Variants in PYGM observed in about 807,000 individuals in gnomAD.
PYGM encodes the protein glycogen phosphorylase, muscle form.
PYGM carries 81 observed loss-of-function variants against 99.3 expected under a neutral mutation model. That is an observed-to-expected ratio of 0.82 (90% CI 0.68 to 0.98). PYGM has a LOEUF of 0.98. Ranked by LOEUF, PYGM falls within the 50% of genes least tolerant of loss-of-function variation. The pLI is 0.00. For synonymous variants in PYGM, 436 were observed against 451.5 expected (o/e 0.97, Z 0.44); for missense variants, 1,030 against 1,158.1 (o/e 0.89, Z 1.61).
rs770035033 is a variant in PYGM, at chr11:64,755,576, G to A, written c.661-18C>T. ...AGTACCACCTGCGGGGGGCAATCCT[G>A]TCAGGAGCTGGCCAGCCCTGGCAAT... On this transcript the variant is annotated intron_variant, in intron 5 of 19. Coordinates refer to ENST00000164139, the MANE Select transcript of PYGM (RefSeq NM_005609.4). This position sits in a 1 kb window ranked among gnomAD's most constrained non-coding sequence, Gnocchi z 4.1. The A allele has an allele frequency of 6.2e-7, 1 of 1,604,092 alleles. No individual in the cohort carries two copies. The highest frequency in any genetic ancestry group is 8.5e-7 in the Non-Finnish European group (1 of 1,171,380).
intron 15 of PYGM, 26 bp downstream of exon 15, chr11:64,751,571 C>G: frequency 6.2e-7 from 1 of 1,614,008 alleles, no homozygotes; most frequent in Non-Finnish European, 8.5e-7. Context: ...AGGACGGGAG[C>G]CCAGGGCTGG....
In PYGM at chr11:64,746,801, CTT is replaced by C. The variant is rs750080547; in HGVS notation, c.2385_2386del (p.Glu797ValfsTer18). 3.1e-6 allele frequency: 5 copies of C among 1,614,184 alleles called. No individual in the cohort carries two copies. Among genetic ancestry groups the C allele is most frequent in the African/African-American group, 1.3e-5 (1 of 75,048 alleles). ...CCGGATCACCATCCGCGTCCACTCT[CTT>C]GGGTTCTGCAGGTCAAAGGGAAGCT... On this transcript the variant is annotated frameshift_variant, in exon 20 of 20. Transcript: ENST00000164139. LOFTEE classifies it high-confidence loss of function.
Position 64,759,966 on chromosome 11 carries a change from C to A in PYGM, c.-68G>T. 1 of 1,595,024 alleles carries A rather than the reference C, an allele frequency of 6.3e-7. No individual in the cohort carries two copies. Among genetic ancestry groups the A allele is most frequent in the Non-Finnish European group, 8.6e-7 (1 of 1,169,502 alleles). Reference sequence around the variant, plus strand: ...ACGGCGGCCTCAGCACTGCCTCCAGCCAAGGAGTGGAGCTCCCCAGCCTCA... The same window carrying A: ...ACGGCGGCCTCAGCACTGCCTCCAGACAAGGAGTGGAGCTCCCCAGCCTCA... On this transcript the variant is annotated 5_prime_UTR_variant, in exon 1 of 20. Transcript: ENST00000164139.
Position 64,753,837 on chromosome 11 carries a change from C to T in PYGM, c.1239+42G>A, listed in dbSNP as rs748888336. The T allele has an allele frequency of 9.1e-6, 14 of 1,538,376 alleles. No individual in the cohort carries two copies. The South Asian group carries it at 1.2e-4, about 13-fold the overall frequency. On this transcript the variant is annotated intron_variant, in intron 10 of 19. Coordinates refer to ENST00000164139, the MANE Select transcript of PYGM (RefSeq NM_005609.4). ...CGACTCCCAGGCCCAGACTGGGTGTCCCCCCTCACCCCCACACCATCCCCC... is the reference window on the plus strand; with the variant it reads ...CGACTCCCAGGCCCAGACTGGGTGTTCCCCCTCACCCCCACACCATCCCCC...
chr11:64,753,701 G>C lies in PYGM; in HGVS notation c.1240-19C>G. 1 of 1,602,060 alleles carries C rather than the reference G, an allele frequency of 6.2e-7. No individual in the cohort carries two copies. Among genetic ancestry groups the C allele is most frequent in the Non-Finnish European group, 8.5e-7 (1 of 1,176,802 alleles). On this transcript the variant is annotated intron_variant, in intron 10 of 19. Transcript: ENST00000164139. ...CCACCCGCTGTGCCCAGAGAGCCCA[G>C]AGCTAGAACCAGACCCAGGAACCCC... is the stretch of plus-strand genomic sequence containing the variant.
chr11:64,747,562 CTG>C (rs2135824696), intron 17 of PYGM: 1 of 633,820 alleles, frequency 1.6e-6, no homozygotes, highest in African/African-American at 1.8e-5. Context: ...AATGAAGAAA[CTG>C]AGGCCCGGAG....
chr11:64,751,266 C>CCT, intron 16 of PYGM, 59 bp downstream of exon 16: 2 of 1,604,488 alleles, frequency 1.2e-6, no homozygotes, highest in Non-Finnish European at 1.7e-6. Context: ...ACGACTGATA[C>CCT]CTCTTCCTGA....
intron 13 of PYGM, 53 bp downstream of exon 13, chr11:64,752,350 C>G: frequency 1.3e-6 from 2 of 1,582,772 alleles, no homozygotes; most frequent in Non-Finnish European, 1.7e-6. Flanking sequence ...GACATCTGGC[C>G]CCTCCAGCGC....
rs1372796418 is a variant in PYGM, at chr11:64,752,604, C to A, written c.1519-100G>T. ...GGTCAGCCAAGCCCCCTTCACCCAG[C>A]AGGCTGCTCTGGGGGCCCTCCCAGC... On this transcript the variant is annotated intron_variant, in intron 12 of 19. Coordinates refer to ENST00000164139, the MANE Select transcript of PYGM (RefSeq NM_005609.4). 16 of 1,261,388 alleles carry A rather than the reference C, an allele frequency of 1.3e-5. No homozygotes were observed. In the East Asian group the frequency reaches 1.5e-4, roughly 12 times the overall value. 78.1% of individuals were successfully genotyped at this position (1,261,388 alleles called of 1,614,324 possible).
intron 1 of PYGM, 99 bp from the exon 2 acceptor site, chr11:64,758,803 C>A: frequency 1.9e-6 from 2 of 1,044,842 alleles, no homozygotes; most frequent in South Asian, 1.3e-5. Flanking sequence ...GCCTGCCCTG[C>A]TCAGCAGTCC....
chr11:64,758,129 C>G, intron 4 of PYGM, 117 bp downstream of exon 4: 1 of 1,397,482 alleles, frequency 7.2e-7, no homozygotes, highest in South Asian at 1.2e-5. Context: ...TGGGGAGCAG[C>G]AAGGATGCTT....
chr11:64,756,457 T>C (rs963456857), intron 5 of PYGM, among the ~76,000 whole-genome samples: 1 of 152,144 alleles, frequency 6.6e-6, no homozygotes, highest in African/African-American at 2.4e-5. Flanking sequence ...TGTTTTTTGT[T>C]TGTTTGTTTT....
At chr11:64,751,041 G>A in intron 16 of PYGM, 1 of 422,706 alleles carries the variant, frequency 2.4e-6, no homozygotes, top group Non-Finnish European at 4.4e-6. Flanking sequence ...ATAGGCACCT[G>A]CCATCACGCC....
At chr11:64,758,548 A>G in intron 2 of PYGM, 33 bp from the exon 3 acceptor site, 1 of 1,613,816 alleles carries the variant, frequency 6.2e-7, no homozygotes, top group Non-Finnish European at 8.5e-7. Context: ...GGTCAGGGTC[A>G]AGTGTCAGCA....
chr11:64,751,344 T>G lies in PYGM; in HGVS notation c.1950A>C (p.Arg650=). ...ACCCACCTTTCTCGGCCAGTGAGAC[T>G]CGGTAGTTCTCCAGGAAGATGACAC... ...RLRVIFLENY[R]VSLAEKVIPA... Residue 650 remains arginine, a synonymous_variant, in exon 16 of 20, where the codon CGA becomes CGC. Transcript: ENST00000164139. 1 of 1,614,118 alleles carries G rather than the reference T, an allele frequency of 6.2e-7. No homozygotes were observed. Among genetic ancestry groups the G allele is most frequent in the Non-Finnish European group, 8.5e-7 (1 of 1,180,038 alleles).
rs746568228 is a variant in PYGM at position 64,752,426 on chromosome 11, G to A, written c.1597C>T (p.Arg533Trp). 5 of 1,614,178 alleles carry A rather than the reference G, an allele frequency of 3.1e-6. No homozygotes were observed. Among genetic ancestry groups the A allele is most frequent in the South Asian group, 1.1e-5 (1 of 91,090 alleles). The change falls in exon 13 of 20, where the codon CGG becomes TGG. Residue 533 changes from arginine (R) to tryptophan (W), a missense_variant. Coordinates refer to ENST00000164139, the MANE Select transcript of PYGM (RefSeq NM_005609.4). ...ACCTGCTTCACTTTGGCCACATCCC[G>A]AATGAAAGCTTCATCATCCACAAAG... ...LSFVDDEAFI[R>W]DVAKVKQENK...
In PYGM at chr11:64,751,325, C is replaced by A. The variant is rs1174374786; in HGVS notation, c.1969G>T (p.Val657Leu). ...ENYRVSLAEK[V>L]IPAADLSEQI... is the part of the protein sequence containing the mutation. ...TAGGGTCCCTGTTGGCAGCACCCAC[C>A]TTTCTCGGCCAGTGAGACTCGGTAG... Residue 657 changes from valine (V) to leucine (L), a missense_variant and splice_region_variant, in exon 16 of 20, where the codon GTG (valine) becomes TTG (leucine). Physicochemically the swap from Val to Leu is conservative, Grantham distance 32. Coordinates refer to ENST00000164139, the MANE Select transcript of PYGM (RefSeq NM_005609.4). 2 of 1,614,050 alleles carry A rather than the reference C, an allele frequency of 1.2e-6. No homozygotes were observed. The highest frequency in any genetic ancestry group is 1.3e-5 in the African/African-American group (1 of 74,934).
Position 64,752,440 on chromosome 11 carries a change from T to C in PYGM, c.1583A>G (p.Asp528Gly), listed in dbSNP as rs1294601732. 3.7e-6 allele frequency: 6 copies of C among 1,614,232 alleles called. No individual in the cohort carries two copies. Among genetic ancestry groups the C allele is most frequent in the Non-Finnish European group, 5.1e-6 (6 of 1,180,030 alleles). The change falls in exon 13 of 20, where the codon GAT becomes GGT. Residue 528 changes from aspartate (D) to glycine (G), a missense_variant. Coordinates refer to ENST00000164139, the MANE Select transcript of PYGM (RefSeq NM_005609.4). Reference protein sequence around the residue: ...QLRKLLSFVDDEAFIRDVAKV... With the variant: ...QLRKLLSFVDGEAFIRDVAKV... Reference sequence around the variant, plus strand: ...GGCCACATCCCGAATGAAAGCTTCATCATCCACAAAGGAGAGCAGTTTGCG... The same window carrying C: ...GGCCACATCCCGAATGAAAGCTTCACCATCCACAAAGGAGAGCAGTTTGCG...
rs768833092 is a variant in PYGM at position 64,754,831 on chromosome 11, G to A, written c.861C>T (p.Phe287=). The A allele has an allele frequency of 4.3e-6, 7 of 1,613,686 alleles. No homozygotes were observed. Among genetic ancestry groups the A allele is most frequent in the South Asian group, 1.1e-5 (1 of 91,062 alleles). Residue 287 remains phenylalanine (F), a synonymous_variant, in exon 8 of 20, where the codon TTC becomes TTT. Coordinates refer to ENST00000164139, the MANE Select transcript of PYGM (RefSeq NM_005609.4). This position sits in a 1 kb window ranked among gnomAD's most constrained non-coding sequence, Gnocchi z 5.5. ...SRVLYPNDNF[F]EGKELRLKQE... The stretch of plus-strand genomic sequence containing the variant: ...GCTTCAGCCGCAGCTCCTTCCCTTC[G>A]AAGAACTGGGGACAGCATGAGGCAG...
Sources: gnomAD v4.1 joint callset for allele counts (sites outside exome capture counted in the v4.1 genomes callset) on GRCh38, gnomAD v4.1.1 for gene constraint, Gnocchi (gnomAD v3.1) non-coding constraint, MANE v1.5 for transcripts, NCBI Gene and HGNC (gene_info 2026-07-23, HGNC 2026-07-21) for gene names.